The following NUP107 variants were observed in gnomAD, a reference collection of about 807,000 sequenced individuals.
NUP107 encodes nucleoporin 107, also known as nuclear pore complex protein Nup107.
In NUP107, 101 loss-of-function variants were observed where a neutral mutation model predicts 141.0. The ratio of observed to expected loss-of-function variants is 0.72; its 90% confidence interval spans 0.61 to 0.84. The LOEUF is 0.84. NUP107 is among the 40% of genes least tolerant of loss of function. NUP107 has a pLI of 0.00. For missense variants in NUP107, 941 were observed against 1,102.7 expected (o/e 0.85, Z 2.08); for synonymous variants, 319 against 363.9 (o/e 0.88, Z 1.41).
intron 26 of NUP107, chr12:68,739,934 A>G (rs1192319008): frequency 6.6e-6 from 1 of 152,152 alleles, no homozygotes. Flanking sequence ...TTCAGATGAG[A>G]AAAATGTCTT....
At chr12:68,731,284 C>G (rs760703341) in intron 21 of NUP107, 24 bp downstream of exon 21, 18 of 1,577,102 alleles carry the variant, frequency 1.1e-5, no homozygotes, top group Middle Eastern at 1.7e-4. Flanking sequence ...AAAACTTTGT[C>G]TTTTGGCCTT....
At chr12:68,741,475 C>A (rs1878318241) in intron 26 of NUP107, among the ~76,000 whole-genome samples, 1 of 152,170 alleles carries the variant, frequency 6.6e-6, no homozygotes, top group Admixed American at 6.5e-5. Flanking sequence ...TCCTCTCAGG[C>A]CTCCTTAGAG....
At chr12:68,711,027 C>T (rs1027091385) in intron 10 of NUP107, among the ~76,000 whole-genome samples, 4 of 152,010 alleles carry the variant, frequency 2.6e-5, no homozygotes, top group African/African-American at 4.8e-5. Context: ...GAGGCTGAGG[C>T]GGGTGGATCA....
chr12:68,707,345 T>C (rs937916228), intron 8 of NUP107, among the ~76,000 whole-genome samples: 1 of 151,716 alleles, frequency 6.6e-6, no homozygotes, highest in Non-Finnish European at 1.5e-5. Flanking sequence ...CTCATGCCGG[T>C]AATCCCAACA....
intron 1 of NUP107, 150 bp downstream of exon 1, chr12:68,687,223 A>G (rs755804250): frequency 1.2e-5 from 14 of 1,151,868 alleles, no homozygotes; most frequent in Non-Finnish European, 1.7e-5. Flanking sequence ...AAATTTGGCC[A>G]CAAATGGGGA....
At chr12:68,733,280 A>C (rs1375881111) in intron 23 of NUP107, among the ~76,000 whole-genome samples, 172 bp from the exon 24 acceptor site, 1 of 152,248 alleles carries the variant, frequency 6.6e-6, no homozygotes, top group African/African-American at 2.4e-5. Flanking sequence ...ACATTGAGAT[A>C]CGAAAAAGCC....
chr12:68,723,109 T>C (rs1877420900), intron 17 of NUP107, among the ~76,000 whole-genome samples: 1 of 152,148 alleles, frequency 6.6e-6, no homozygotes, highest in South Asian at 2.1e-4. Flanking sequence ...GTATGGTGGC[T>C]CACATCTGTA....
intron 23 of NUP107, 60 bp from the exon 24 acceptor site, chr12:68,733,392 C>G: frequency 6.6e-7 from 1 of 1,505,220 alleles, no homozygotes; most frequent in South Asian, 1.3e-5. Context: ...GATTTGACTC[C>G]TTTAGAAACC....
chr12:68,691,734 T>C (rs1875793240), intron 4 of NUP107, among the ~76,000 whole-genome samples: 1 of 151,234 alleles, frequency 6.6e-6, no homozygotes, highest in Admixed American at 6.6e-5. Flanking sequence ...CTTGGGAGGC[T>C]GAAGTGGGAA....
chr12:68,722,897 A>G (rs780538143), intron 17 of NUP107, among the ~76,000 whole-genome samples: 11 of 152,180 alleles, frequency 7.2e-5, no homozygotes, highest in Non-Finnish European at 1.6e-4. Flanking sequence ...ATGAAGTTAC[A>G]TGTGTGTGTA....
chr12:68,710,516 T>C (rs1013017466), intron 10 of NUP107, among the ~76,000 whole-genome samples: 2 of 151,642 alleles, frequency 1.3e-5, no homozygotes, highest in African/African-American at 4.8e-5. Flanking sequence ...TTAGCCGGGT[T>C]TGGTGACGCA....
chr12:68,714,452 A>T (rs770417445), intron 11 of NUP107: 1 of 152,220 alleles, frequency 6.6e-6, no homozygotes. Flanking sequence ...AAATCGTTTA[A>T]TCTTACCAGC....
At chr12:68,688,512 TTTG>T (rs943487778) in intron 1 of NUP107, among the ~76,000 whole-genome samples, 12 of 152,240 alleles carry the variant, frequency 7.9e-5, no homozygotes, top group East Asian at 5.8e-4. Context: ...GCAAGCTCTG[TTTG>T]TTGTTGTTGT....
Position 68,725,837 on chromosome 12 carries a change from G to GGTTTTTT in NUP107, c.1576+41_1576+42insGTTTTTT, listed in dbSNP as rs376106399. ...ATTTTACTTTGTGTTTTTTGTGTGT[G>GGTTTTTT]TTTTTTTTTTTTTTTTTGAGACAAA... is the stretch of plus-strand genomic sequence containing the variant. On this transcript the variant is annotated intron_variant, in intron 18 of 27. Transcript: ENST00000229179. 1.4e-4 allele frequency: 86 copies of GGTTTTTT among 621,528 alleles called. 3 individuals are homozygous for GGTTTTTT. The highest frequency in any genetic ancestry group is 2.4e-4 in the Admixed American group (7 of 28,684). The allele number at this position is 621,528 out of a possible 1,614,324, so 38.5% of individuals were successfully genotyped here. A position where few individuals can be genotyped will look rare whatever the true frequency, so the allele number is the denominator to read the frequency against.
chr12:68,738,044 A>G (rs1172322134), intron 26 of NUP107, among the ~76,000 whole-genome samples: 1 of 152,158 alleles, frequency 6.6e-6, no homozygotes, highest in South Asian at 2.1e-4. Context: ...TGGGAGGCCA[A>G]GGCTGGTGGA....
At chr12:68,739,279 CAT>C (rs1415696421) in intron 26 of NUP107, among the ~76,000 whole-genome samples, 19 of 152,228 alleles carry the variant, frequency 1.2e-4, no homozygotes, top group African/African-American at 3.1e-4. Context: ...TGATATAAAA[CAT>C]ATTAATTTAT....
At chr12:68,692,749 ATTTT>A (rs35628849) in intron 5 of NUP107, among the ~76,000 whole-genome samples, 2 of 135,392 alleles carry the variant, frequency 1.5e-5, no homozygotes, top group Non-Finnish European at 3.2e-5. Context: ...TGCCTAGCTA[ATTTT>A]TTTTTTTTTT....
chr12:68,709,919 T>G, intron 9 of NUP107, 86 bp from the exon 10 acceptor site: 1 of 766,148 alleles, frequency 1.3e-6, no homozygotes, highest in Non-Finnish European at 2.2e-6. Context: ...TGAAACTGTT[T>G]GAATTAAGGG....
intron 11 of NUP107, among the ~76,000 whole-genome samples, chr12:68,714,654 G>A (rs1877021600): frequency 6.6e-6 from 1 of 152,164 alleles, no homozygotes; most frequent in South Asian, 2.1e-4. Flanking sequence ...CATTAAAATT[G>A]TTTTCCATTG....
Sources: gnomAD v4.1 joint callset for allele counts (sites outside exome capture counted in the v4.1 genomes callset) on GRCh38, gnomAD v4.1.1 for gene constraint, MANE v1.5 for transcripts, NCBI Gene and HGNC (gene_info 2026-07-23, HGNC 2026-07-21) for gene names.